Variants in ZNF169 observed in about 807,000 individuals in gnomAD.
ZNF169 encodes zinc finger protein 169.
ZNF169 carries 11 observed loss-of-function variants against 12.0 expected under a neutral mutation model. The observed-to-expected ratio is 0.92, with a 90% CI of 0.58 to 1.52. ZNF169 has a LOEUF of 1.52. ZNF169 is among the 40% of genes most tolerant of loss of function. The pLI, the probability that ZNF169 is intolerant of heterozygous loss-of-function variation, is 0.00. For missense variants in ZNF169, 722 were observed against 744.0 expected (o/e 0.97, Z 0.34); for synonymous variants, 302 against 286.5 (o/e 1.05, Z -0.55).
intron 3 of ZNF169, 139 bp downstream of exon 3, chr9:94,292,606 G>GTT (rs71500059): frequency 2.4e-6 from 2 of 840,856 alleles, no homozygotes; most frequent in Non-Finnish European, 3.5e-6. Context: ...TCACAGTGCA[G>GTT]TTGTGTGTGT....
intron 1 of ZNF169, among the ~76,000 whole-genome samples, chr9:94,263,644 C>T (rs1449116315): frequency 6.6e-6 from 1 of 152,014 alleles, no homozygotes; most frequent in Non-Finnish European, 1.5e-5. Flanking sequence ...CTGTCTCAGC[C>T]TCCCAAAGTG....
At chr9:94,260,758 C>T (rs1405874590) in intron 1 of ZNF169, among the ~76,000 whole-genome samples, 2 of 151,682 alleles carry the variant, frequency 1.3e-5, no homozygotes, top group African/African-American at 2.4e-5. Flanking sequence ...TTGAGTGACT[C>T]CTTGAATTCC....
rs2118629772 is a variant in ZNF169, at chr9:94,288,281, GCTGATCTTCCACAGTAAC to G, written c.34-4057_34-4040del. On this transcript the variant is annotated intron_variant, in intron 2 of 4. Coordinates refer to ENST00000395395, the MANE Select transcript of ZNF169 (RefSeq NM_194320.4). Reference sequence around the variant, plus strand: ...AAGGTCAGCTTCAGTTCACGTGCAAGCTGATCTTCCACAGTAACCTCAGTGCCTGGTGTGTTGTCGGTG... The same window carrying G: ...AAGGTCAGCTTCAGTTCACGTGCAAGCTCAGTGCCTGGTGTGTTGTCGGTG... 3 of 823,772 alleles carry G rather than the reference GCTGATCTTCCACAGTAAC, an allele frequency of 3.6e-6. No homozygotes were observed. The South Asian group carries it at 4.0e-5, about 11-fold the overall frequency. The allele number at this position is 823,772 out of a possible 1,614,324, so 51.0% of individuals were successfully genotyped here.
intron 2 of ZNF169, among the ~76,000 whole-genome samples, chr9:94,281,348 G>A (rs865960001): frequency 6.6e-6 from 1 of 152,158 alleles, no homozygotes; most frequent in Non-Finnish European, 1.5e-5. Flanking sequence ...TTTCCTAAGG[G>A]CTTTTGCCTG....
chr9:94,292,204 A>G (rs536605673), intron 2 of ZNF169, 137 bp from the exon 3 acceptor site: 49 of 1,397,018 alleles, frequency 3.5e-5, no homozygotes, highest in Admixed American at 2.0e-4. Context: ...ACCAGGTTTC[A>G]GGTTAAAAGC....
chr9:94,267,033 C>T (rs942270225), intron 1 of ZNF169, among the ~76,000 whole-genome samples: 7 of 151,980 alleles, frequency 4.6e-5, no homozygotes, highest in Non-Finnish European at 7.4e-5. Flanking sequence ...CTCAGCCTTC[C>T]GAGTAGCTGG....
chr9:94,281,944 A>G (rs1397741449), intron 2 of ZNF169, among the ~76,000 whole-genome samples: 4 of 152,116 alleles, frequency 2.6e-5, no homozygotes, highest in African/African-American at 9.7e-5. Context: ...TGGGACCTAA[A>G]AGGGTGCCTG....
At chr9:94,288,465 A>G (rs1454477146) in intron 2 of ZNF169, 1 of 942,588 alleles carries the variant, frequency 1.1e-6, no homozygotes, top group East Asian at 2.8e-5. Context: ...TTTTCAAATC[A>G]AGCTTTATTA....
chr9:94,260,240 A>G (rs959954732), intron 1 of ZNF169, among the ~76,000 whole-genome samples: 1 of 152,060 alleles, frequency 6.6e-6, no homozygotes, highest in African/African-American at 2.4e-5. Context: ...TTTAGTAGAG[A>G]CGGGGTTTCA....
chr9:94,259,786 T>C (rs895103011), intron 1 of ZNF169, among the ~76,000 whole-genome samples: 1 of 152,302 alleles, frequency 6.6e-6, no homozygotes, highest in East Asian at 1.9e-4. Context: ...GGCCAGCAAA[T>C]GTGCCTTTGG....
intron 2 of ZNF169, among the ~76,000 whole-genome samples, chr9:94,289,288 A>G (rs957830454): frequency 5.9e-5 from 9 of 151,942 alleles, no homozygotes. Flanking sequence ...GGTCCCAGCA[A>G]CTTGGGAGGC....
chr9:94,261,221 T>C (rs1489425978), intron 1 of ZNF169, among the ~76,000 whole-genome samples: 2 of 152,072 alleles, frequency 1.3e-5, no homozygotes, highest in Non-Finnish European at 2.9e-5. Context: ...TTTGTGTTTT[T>C]ACCATGTTGG....
intron 4 of ZNF169, chr9:94,296,772 C>G (rs907239381): frequency 2.4e-5 from 11 of 456,790 alleles, no homozygotes; most frequent in Non-Finnish European, 4.4e-5. Flanking sequence ...TTTATTAGGT[C>G]TTGAACTCAC....
At chr9:94,272,925 G>A (rs1316114648) in intron 1 of ZNF169, among the ~76,000 whole-genome samples, 1 of 152,060 alleles carries the variant, frequency 6.6e-6, no homozygotes, top group Non-Finnish European at 1.5e-5. Flanking sequence ...CATACAAATT[G>A]GGGTTAGGTG....
chr9:94,300,284 C>A lies in ZNF169; in HGVS notation c.726C>A (p.Gly242=), dbSNP rs779762007. 2.5e-6 allele frequency: 4 copies of A among 1,614,212 alleles called. No individual in the cohort carries two copies. In the South Asian group the frequency reaches 4.4e-5, roughly 18 times the overall value. ...KHHVCPECGR[G]FCQRSDLIKH... is the part of the protein sequence containing the mutation. The stretch of plus-strand genomic sequence containing the variant: ...ATGTGTGCCCTGAATGCGGGAGAGG[C>A]TTTTGCCAGAGATCAGACCTTATCA... Residue 242 remains glycine, a synonymous_variant, in exon 5 of 5, where the codon GGC becomes GGA. Transcript: ENST00000395395.
At chr9:94,281,416 A>G (rs1444767520) in intron 2 of ZNF169, among the ~76,000 whole-genome samples, 1 of 152,216 alleles carries the variant, frequency 6.6e-6, no homozygotes, top group Non-Finnish European at 1.5e-5. Context: ...TGGTAAGCAC[A>G]ATATGTTAGC....
At chr9:94,298,884 G>C (rs1158981013) in intron 4 of ZNF169, among the ~76,000 whole-genome samples, 2 of 152,064 alleles carry the variant, frequency 1.3e-5, no homozygotes, top group Non-Finnish European at 2.9e-5. Flanking sequence ...TTTAAACCTA[G>C]AAACAAAATT....
intron 1 of ZNF169, among the ~76,000 whole-genome samples, chr9:94,274,717 G>A (rs1830491454): frequency 6.6e-6 from 1 of 152,154 alleles, no homozygotes; most frequent in African/African-American, 2.4e-5. Flanking sequence ...AAGGTGGTTG[G>A]GGCACAGCTT....
At position 94,300,628 on chromosome 9, in the gene ZNF169, A is replaced by G. The variant is rs1470897437; in HGVS notation, c.1070A>G (p.Gln357Arg). The G allele has an allele frequency of 6.3e-5, 101 of 1,614,100 alleles. No homozygotes were observed. Among genetic ancestry groups the G allele is most frequent in the Non-Finnish European group, 8.4e-5 (99 of 1,180,032 alleles). ...CCTGAGTGTGGGAGAGGCTTTTGCC[A>G]GAAGGCATCACTCCTCCAGCACCAG... Reference protein sequence around the residue: ...VCPECGRGFCQKASLLQHQSS... With the variant: ...VCPECGRGFCRKASLLQHQSS... Residue 357 changes from glutamine to arginine, a missense_variant, in exon 5 of 5, where the codon CAG (glutamine) becomes CGG (arginine). Transcript: ENST00000395395.
Sources: gnomAD v4.1 joint callset for allele counts (sites outside exome capture counted in the v4.1 genomes callset) on GRCh38, gnomAD v4.1.1 for gene constraint, MANE v1.5 for transcripts, NCBI Gene and HGNC (gene_info 2026-07-23, HGNC 2026-07-21) for gene names.